Variants in ANAPC10 observed in about 807,000 individuals in gnomAD.
The protein encoded by ANAPC10 is anaphase-promoting complex subunit 10.
In ANAPC10, 12 loss-of-function variants were observed where a neutral mutation model predicts 22.0. That is an observed-to-expected ratio of 0.55 (90% CI 0.35 to 0.88). The LOEUF (loss-of-function observed/expected upper bound fraction) is 0.88. Among genes scored for constraint, ANAPC10 ranks in the 40% least tolerant of loss-of-function variants. The pLI is 0.01. For synonymous variants in ANAPC10, 65 were observed against 69.5 expected, an observed-to-expected ratio of 0.94 and a Z score of 0.32; for missense variants, 188 against 220.9, an observed-to-expected ratio of 0.85 and a Z score of 0.94.
intron 4 of ANAPC10, among the ~76,000 whole-genome samples, chr4:145,020,665 C>T (rs552342392): frequency 6.6e-6 from 1 of 151,882 alleles, no homozygotes; most frequent in Non-Finnish European, 1.5e-5. Flanking sequence ...ACAATATAAT[C>T]GTTTACCTCA....
chr4:145,078,407 T>G (rs1001539609), intron 3 of ANAPC10, among the ~76,000 whole-genome samples: 2 of 152,194 alleles, frequency 1.3e-5, no homozygotes, highest in South Asian at 2.1e-4. Flanking sequence ...CCCATGCTCA[T>G]GGATAGGAAG....
chr4:145,095,913 T>C, intron 2 of ANAPC10, 72 bp downstream of exon 2: 1 of 1,582,960 alleles, frequency 6.3e-7, no homozygotes, highest in Non-Finnish European at 8.7e-7. Flanking sequence ...TCCCCTGGGA[T>C]AAGGGGAGAT....
At chr4:145,083,077 G>C (rs1022269687) in intron 2 of ANAPC10, among the ~76,000 whole-genome samples, 2 of 151,894 alleles carry the variant, frequency 1.3e-5, no homozygotes, top group Non-Finnish European at 1.5e-5. Context: ...TCTGCATGTT[G>C]GTGTTTTTTA....
At chr4:145,009,393 G>T (rs922034049) in intron 4 of ANAPC10, among the ~76,000 whole-genome samples, 1 of 152,100 alleles carries the variant, frequency 6.6e-6, no homozygotes, top group African/African-American at 2.4e-5. Context: ...TAAGCAAAAA[G>T]AACAAAGCTG....
At chr4:145,052,922 A>G (rs1040008925) in intron 4 of ANAPC10, among the ~76,000 whole-genome samples, 1 of 152,042 alleles carries the variant, frequency 6.6e-6, no homozygotes, top group African/African-American at 2.4e-5. Context: ...CATTTATTAT[A>G]AAAATCACAT....
intron 4 of ANAPC10, among the ~76,000 whole-genome samples, chr4:145,011,834 T>A (rs1734362290): frequency 6.6e-6 from 1 of 151,744 alleles, no homozygotes; most frequent in African/African-American, 2.4e-5. Flanking sequence ...CACAGCAGAG[T>A]TTTTGGCAAT....
intron 3 of ANAPC10, among the ~76,000 whole-genome samples, chr4:145,067,397 C>T (rs1743865934): frequency 6.6e-6 from 1 of 152,042 alleles, no homozygotes; most frequent in African/African-American, 2.4e-5. Flanking sequence ...TTTCCTATTT[C>T]TGATGACATA....
At chr4:145,086,747 C>T (rs1746957872) in intron 2 of ANAPC10, among the ~76,000 whole-genome samples, 1 of 151,876 alleles carries the variant, frequency 6.6e-6, no homozygotes, top group African/African-American at 2.4e-5. Flanking sequence ...AATAGAAACA[C>T]TCCCCCAACT....
intron 1 of ANAPC10, chr4:145,097,259 T>C (rs536871823): frequency 2.8e-6 from 1 of 355,206 alleles, no homozygotes; most frequent in African/African-American, 2.1e-5. Flanking sequence ...GCTCTTACCA[T>C]AGAAGATAAG....
At chr4:145,021,480 C>T (rs1288924602) in intron 4 of ANAPC10, among the ~76,000 whole-genome samples, 1 of 151,964 alleles carries the variant, frequency 6.6e-6, no homozygotes, top group East Asian at 1.9e-4. Flanking sequence ...ACATATAGGA[C>T]AATGAAACTG....
At chr4:145,048,078 G>T (rs1740588589) in intron 4 of ANAPC10, among the ~76,000 whole-genome samples, 1 of 152,124 alleles carries the variant, frequency 6.6e-6, no homozygotes, top group Non-Finnish European at 1.5e-5. Flanking sequence ...AAAGTAGGCT[G>T]CTAGAGTCGA....
intron 4 of ANAPC10, among the ~76,000 whole-genome samples, chr4:145,025,332 G>GCT (rs796490709): frequency 5.6e-5 from 8 of 141,814 alleles, no homozygotes; most frequent in African/African-American, 1.8e-4. Flanking sequence ...CTTTCAACAC[G>GCT]CCCCCCCCCC....
intron 2 of ANAPC10, among the ~76,000 whole-genome samples, chr4:145,089,372 T>G (rs1747344765): frequency 6.6e-6 from 1 of 152,194 alleles, no homozygotes; most frequent in African/African-American, 2.4e-5. Flanking sequence ...ACAGCCATAC[T>G]GAATCCCTTC....
chr4:145,009,547 A>T (rs181703697), intron 4 of ANAPC10, among the ~76,000 whole-genome samples: 219 of 152,248 alleles, frequency 1.4e-3, no homozygotes, highest in African/African-American at 5.0e-3. Context: ...TGTTTGACAA[A>T]CCTGACAAAA....
At chr4:145,005,229 C>T (rs1359579861) in intron 4 of ANAPC10, among the ~76,000 whole-genome samples, 1 of 151,992 alleles carries the variant, frequency 6.6e-6, no homozygotes, top group Non-Finnish European at 1.5e-5. Context: ...AAGAATGTAT[C>T]TGCTTCTAGG....
chr4:145,096,210 G>A (rs1312297171), intron 1 of ANAPC10, 99 bp from the exon 2 acceptor site: 1 of 1,181,102 alleles, frequency 8.5e-7, no homozygotes, highest in Non-Finnish European at 1.2e-6. Flanking sequence ...CATATACCCT[G>A]ACATTAATCA....
chr4:145,067,281 CATT>C (rs924331048), intron 3 of ANAPC10, among the ~76,000 whole-genome samples: 4 of 152,118 alleles, frequency 2.6e-5, no homozygotes, highest in Non-Finnish European at 5.9e-5. Context: ...TCAAAACCAT[CATT>C]ATAATAATAA....
intron 2 of ANAPC10, among the ~76,000 whole-genome samples, chr4:145,087,548 T>C (rs1441755395): frequency 1.3e-5 from 2 of 151,354 alleles, no homozygotes; most frequent in African/African-American, 4.9e-5. Context: ...TTCATCCATA[T>C]CATGCACTAG....
chr4:145,096,133 A>G, intron 1 of ANAPC10, 22 bp from the exon 2 acceptor site: 19 of 1,607,378 alleles, frequency 1.2e-5, no homozygotes, highest in Non-Finnish European at 1.6e-5. Context: ...ACAAGAATGC[A>G]CACATTGTAT....
Sources: allele counts gnomAD v4.1 joint callset (sites outside exome capture counted in the v4.1 genomes callset), GRCh38; gene constraint gnomAD v4.1.1; transcripts MANE v1.5; gene names NCBI Gene and HGNC (gene_info 2026-07-23, HGNC 2026-07-21).